The following CSMD1 variants were observed in gnomAD, a reference collection of about 807,000 sequenced individuals.
CSMD1 encodes CUB and sushi domain-containing protein 1.
In CSMD1, 213 loss-of-function variants were observed where a neutral mutation model predicts 417.5. The observed-to-expected ratio is 0.51, with a 90% confidence interval of 0.46 to 0.57. The LOEUF (loss-of-function observed/expected upper bound fraction) is 0.57, where lower values mean the gene tolerates loss of function less well. CSMD1 is among the 20% of genes least tolerant of loss of function. The pLI is 0.00. For synonymous variants in CSMD1, 2,862 were observed against 1,736.8 expected (o/e 1.65, Z -16.11); for missense variants, 6,923 against 4,529.7 (o/e 1.53, Z -15.17).
intron 1 of CSMD1, among the ~76,000 whole-genome samples, chr8:4,757,364 C>G (rs749050576): frequency 2.0e-5 from 3 of 152,142 alleles, no homozygotes; most frequent in Non-Finnish European, 4.4e-5. Context: ...CCAACTCAGT[C>G]TTTAAGATGA....
At position 3,018,512 on chromosome 8, in the gene CSMD1, T is replaced by C. The variant is rs200767317; in HGVS notation, c.7994A>G (p.Asn2665Ser). 3.8e-5 allele frequency: 62 copies of C among 1,613,626 alleles called. No individual in the cohort carries two copies. The African/African-American group carries it at 8.1e-4, about 21-fold the overall frequency. The change falls in exon 52 of 70, where the codon AAT becomes AGT. Residue 2665 changes from asparagine (N) to serine (S), a missense_variant. Transcript: ENST00000635120. ...AGTTTCGCTGCCGCTCCAGAGCCCA[T>C]TTGCCAAGCACTCTCTGACATGAGA... The part of the protein sequence containing the change: ...VGSHVRECLA[N>S]GLWSGSETRC...
chr8:3,285,838 T>A (rs1418027217), intron 25 of CSMD1, among the ~76,000 whole-genome samples: 1 of 151,196 alleles, frequency 6.6e-6, no homozygotes, highest in African/African-American at 2.4e-5. Flanking sequence ...TATATATATT[T>A]TATTATTATT....
At chr8:3,958,122 T>C (rs562520116) in intron 5 of CSMD1, among the ~76,000 whole-genome samples, 41 of 152,308 alleles carry the variant, frequency 2.7e-4, no homozygotes, top group African/African-American at 9.4e-4. Flanking sequence ...AACATGTTAA[T>C]GAAGCTGCCA....
chr8:3,107,811 T>G lies in CSMD1; in HGVS notation c.6755-13A>C, dbSNP rs1322271252. ...TTGAGCTGAAATGCTAAATGATTAA[T>G]GGAAAGAATAATAATAATTGCAATT... On this transcript the variant is annotated splice_polypyrimidine_tract_variant and intron_variant, in intron 44 of 69. Coordinates refer to ENST00000635120, the MANE Select transcript of CSMD1 (RefSeq NM_033225.6). 5 of 1,531,394 alleles carry G rather than the reference T, an allele frequency of 3.3e-6. No homozygotes were observed. The highest frequency in any genetic ancestry group is 1.4e-5 in the African/African-American group (1 of 71,668). 94.9% of individuals were successfully genotyped at this position (1,531,394 alleles called of 1,614,324 possible).
At chr8:3,974,379 G>A (rs1813282577) in intron 5 of CSMD1, among the ~76,000 whole-genome samples, 1 of 151,886 alleles carries the variant, frequency 6.6e-6, no homozygotes, top group African/African-American at 2.4e-5. Flanking sequence ...GCTTTTAAAA[G>A]AAGGAGGAAA....
At chr8:3,553,235 G>T (rs1454683573) in intron 10 of CSMD1, among the ~76,000 whole-genome samples, 1 of 152,262 alleles carries the variant, frequency 6.6e-6, no homozygotes, top group Non-Finnish European at 1.5e-5. Context: ...ACCTAGGTAG[G>T]CTTTCAGTAA....
chr8:3,839,724 G>T (rs1229280901), intron 5 of CSMD1, among the ~76,000 whole-genome samples: 1 of 149,816 alleles, frequency 6.7e-6, no homozygotes, highest in African/African-American at 2.5e-5. Context: ...TCTCTTTAAA[G>T]CACTTCGCTT....
At chr8:4,285,608 T>A (rs1305200058) in intron 3 of CSMD1, among the ~76,000 whole-genome samples, 1 of 152,228 alleles carries the variant, frequency 6.6e-6, no homozygotes, top group African/African-American at 2.4e-5. Context: ...AAATTTGATT[T>A]CCTGAGCATT....
chr8:3,475,638 T>C (rs535380857), intron 11 of CSMD1, among the ~76,000 whole-genome samples: 2 of 152,330 alleles, frequency 1.3e-5, no homozygotes, highest in South Asian at 2.1e-4. Context: ...AATTCTGTGA[T>C]CTTTTGCACA....
At chr8:4,171,776 A>C (rs1041647739) in intron 3 of CSMD1, among the ~76,000 whole-genome samples, 1 of 152,150 alleles carries the variant, frequency 6.6e-6, no homozygotes, top group African/African-American at 2.4e-5. Flanking sequence ...TTGGCTCACA[A>C]TCCAATTTAC....
intron 15 of CSMD1, among the ~76,000 whole-genome samples, chr8:3,399,937 C>T (rs568896462): frequency 6.6e-6 from 1 of 152,102 alleles, no homozygotes; most frequent in Non-Finnish European, 1.5e-5. Context: ...TATACACACC[C>T]TTAGGTGTGT....
intron 23 of CSMD1, among the ~76,000 whole-genome samples, chr8:3,330,474 C>T (rs973817410): frequency 1.3e-5 from 2 of 152,164 alleles, no homozygotes; most frequent in Non-Finnish European, 2.9e-5. Context: ...AGGGTATTAT[C>T]GTTAGCAAAC....
At chr8:4,155,354 C>G (rs1004128104) in intron 3 of CSMD1, among the ~76,000 whole-genome samples, 1 of 152,160 alleles carries the variant, frequency 6.6e-6, no homozygotes, top group East Asian at 1.9e-4. Flanking sequence ...GCAGGGTAAA[C>G]AGCCACGCTG....
intron 51 of CSMD1, among the ~76,000 whole-genome samples, chr8:3,020,275 C>T (rs1809253780): frequency 6.6e-6 from 1 of 152,182 alleles, no homozygotes; most frequent in Non-Finnish European, 1.5e-5. Context: ...TAAATCAGGA[C>T]CTATTTAGTC....
At chr8:4,081,493 G>A (rs1001968662) in intron 3 of CSMD1, among the ~76,000 whole-genome samples, 1 of 152,146 alleles carries the variant, frequency 6.6e-6, no homozygotes, top group Admixed American at 6.6e-5. Flanking sequence ...CCTACAGGGA[G>A]GCTCACATGA....
chr8:3,750,707 A>T (rs2129053031), intron 6 of CSMD1, among the ~76,000 whole-genome samples: 1 of 152,252 alleles, frequency 6.6e-6, no homozygotes, highest in East Asian at 1.9e-4. Context: ...AACAAACTTG[A>T]TGATCTTACT....
intron 57 of CSMD1, 72 bp downstream of exon 57, chr8:2,973,045 T>C: frequency 2.1e-6 from 3 of 1,440,436 alleles, no homozygotes; most frequent in South Asian, 1.3e-5. Flanking sequence ...TTGTAGAATT[T>C]TGCCAGGCAT....
chr8:4,276,460 A>C (rs1585142272), intron 3 of CSMD1, among the ~76,000 whole-genome samples: 1 of 152,206 alleles, frequency 6.6e-6, no homozygotes, highest in East Asian at 1.9e-4. Context: ...AACATCACAC[A>C]CCAGGGCCTG....
At chr8:4,663,782 A>C (rs1804754521) in intron 1 of CSMD1, among the ~76,000 whole-genome samples, 1 of 152,166 alleles carries the variant, frequency 6.6e-6, no homozygotes, top group South Asian at 2.1e-4. Context: ...GGACTAATGC[A>C]CTAAGTGCTG....
Sources: allele counts gnomAD v4.1 joint callset (sites outside exome capture counted in the v4.1 genomes callset), GRCh38; gene constraint gnomAD v4.1.1; transcripts MANE v1.5; gene names NCBI Gene and HGNC (gene_info 2026-07-23, HGNC 2026-07-21).